SMYD3: variants seen among roughly 807,000 people sequenced by gnomAD.
The protein encoded by SMYD3 is SET and MYND domain containing 3, also known as histone-lysine N-methyltransferase SMYD3.
In SMYD3, 36 loss-of-function variants were observed where a neutral mutation model predicts 57.7. The observed-to-expected ratio is 0.62, with a 90% confidence interval of 0.48 to 0.82. The LOEUF (loss-of-function observed/expected upper bound fraction) is 0.82, where lower values mean the gene tolerates loss of function less well. SMYD3 is among the 40% of genes least tolerant of loss of function. The pLI, the probability that SMYD3 is intolerant of heterozygous loss-of-function variation, is 0.00. For synonymous variants in SMYD3, 211 were observed against 195.0 expected, an observed-to-expected ratio of 1.08 and a Z score of -0.68; for missense variants, 515 against 538.8, an observed-to-expected ratio of 0.96 and a Z score of 0.44.
chr1:245,945,772 T>C (rs527440378), intron 5 of SMYD3, among the ~76,000 whole-genome samples: 96 of 152,298 alleles, frequency 6.3e-4, no homozygotes, highest in South Asian at 1.2e-3. Flanking sequence ...CATGGAATAC[T>C]ACACAGTAAT....
chr1:246,185,468 TTTTTG>T (rs774932266), intron 5 of SMYD3, among the ~76,000 whole-genome samples: 12,784 of 78,062 alleles, frequency 0.16, 1,052 homozygotes, highest in African/African-American at 0.38. Flanking sequence ...TTTTTTTTTT[TTTTTG>T]AGACGGAGTT....
intron 1 of SMYD3, among the ~76,000 whole-genome samples, chr1:246,441,875 G>A (rs1222431060): frequency 6.6e-6 from 1 of 152,214 alleles, no homozygotes; most frequent in Non-Finnish European, 1.5e-5. Flanking sequence ...GGCCCCCAGG[G>A]TGCTGGGACT....
At chr1:245,765,479 C>T (rs1294471045) in intron 10 of SMYD3, among the ~76,000 whole-genome samples, 5 of 152,030 alleles carry the variant, frequency 3.3e-5, no homozygotes, top group Non-Finnish European at 5.9e-5. Flanking sequence ...TGTTACAGGA[C>T]GGAGCATGAT....
At chr1:246,451,345 G>A (rs1391826286) in intron 1 of SMYD3, among the ~76,000 whole-genome samples, 1 of 152,142 alleles carries the variant, frequency 6.6e-6, no homozygotes, top group East Asian at 1.9e-4. Flanking sequence ...AGACACGGAG[G>A]AAACTTAAGT....
At position 245,894,782 on chromosome 1, in the gene SMYD3, A is replaced by G. The variant is rs373430596; in HGVS notation, c.813+20748T>C. 6.6e-5 allele frequency among the ~76,000 whole-genome samples: 10 copies of G among 152,366 alleles called. No homozygotes were observed. In the East Asian group the frequency reaches 1.7e-3, roughly 26 times the overall value. On this transcript the variant is annotated intron_variant, in intron 8 of 11. Transcript: ENST00000490107. ...CATACTCTGTATCACATTAGCTGCC[A>G]TCCCTCAATCTATCCTCTGAGCTGG...
At chr1:246,378,231 C>T (rs1055748976) in intron 1 of SMYD3, among the ~76,000 whole-genome samples, 6 of 152,114 alleles carry the variant, frequency 3.9e-5, no homozygotes, top group East Asian at 1.9e-4. Flanking sequence ...ACTAGTGCCA[C>T]GTGGCCTGGA....
At chr1:246,225,206 CA>C (rs1048853527) in intron 5 of SMYD3, among the ~76,000 whole-genome samples, 6 of 150,908 alleles carry the variant, frequency 4.0e-5, no homozygotes, top group Admixed American at 6.6e-5. Flanking sequence ...AACAGAGCAT[CA>C]ACAGCCGTCA....
chr1:246,330,300 C>T (rs538078199), intron 4 of SMYD3, among the ~76,000 whole-genome samples, 180 bp downstream of exon 4: 7 of 152,254 alleles, frequency 4.6e-5, no homozygotes, highest in Admixed American at 2.6e-4. Context: ...CTTATCAGGA[C>T]GAAGCTACCC....
At chr1:245,854,297 T>C (rs1035306926) in intron 10 of SMYD3, among the ~76,000 whole-genome samples, 3 of 152,198 alleles carry the variant, frequency 2.0e-5, no homozygotes, top group African/African-American at 7.2e-5. Flanking sequence ...TTAAAATAAA[T>C]ATAACTTTCA....
chr1:246,253,542 C>T (rs912245607), intron 5 of SMYD3, among the ~76,000 whole-genome samples: 37 of 152,156 alleles, frequency 2.4e-4, no homozygotes, highest in African/African-American at 8.9e-4. Flanking sequence ...AGGATGATAC[C>T]ACATCTCTGC....
chr1:246,457,404 GC>G (rs371402211), intron 1 of SMYD3, among the ~76,000 whole-genome samples: 9 of 151,596 alleles, frequency 5.9e-5, no homozygotes, highest in African/African-American at 2.2e-4. Flanking sequence ...ATGATGGCAG[GC>G]ACCTGTAATC....
At chr1:245,895,310 G>A (rs537028967) in intron 8 of SMYD3, among the ~76,000 whole-genome samples, 2 of 152,178 alleles carry the variant, frequency 1.3e-5, no homozygotes, top group African/African-American at 2.4e-5. Flanking sequence ...ACACGCACAC[G>A]CACGCACACA....
chr1:246,489,468 T>A (rs1437647758), intron 1 of SMYD3, among the ~76,000 whole-genome samples: 7 of 152,210 alleles, frequency 4.6e-5, no homozygotes, highest in Admixed American at 4.6e-4. Flanking sequence ...ATTTCCCTAT[T>A]TTATGAATGA....
chr1:245,794,778 G>T (rs1558346614), intron 10 of SMYD3, among the ~76,000 whole-genome samples: 1 of 151,878 alleles, frequency 6.6e-6, no homozygotes, highest in African/African-American at 2.4e-5. Flanking sequence ...ATCTTTGTGG[G>T]TTTTTTTATT....
chr1:245,936,310 T>G (rs187095599), intron 5 of SMYD3, among the ~76,000 whole-genome samples: 2 of 152,244 alleles, frequency 1.3e-5, no homozygotes, highest in Admixed American at 6.5e-5. Context: ...TCAAGACATC[T>G]CTAATATTTG....
intron 5 of SMYD3, among the ~76,000 whole-genome samples, chr1:246,249,689 C>G (rs1053014954): frequency 3.3e-5 from 5 of 152,106 alleles, no homozygotes; most frequent in African/African-American, 1.2e-4. Context: ...ATTTCTGTTT[C>G]ACCCTTAAAA....
At chr1:246,221,955 C>T (rs1241490477) in intron 5 of SMYD3, among the ~76,000 whole-genome samples, 1 of 152,152 alleles carries the variant, frequency 6.6e-6, no homozygotes, top group Admixed American at 6.5e-5. Context: ...GACTTATATC[C>T]TGTTATATTG....
At chr1:246,207,593 C>A (rs2063020349) in intron 5 of SMYD3, among the ~76,000 whole-genome samples, 1 of 152,130 alleles carries the variant, frequency 6.6e-6, no homozygotes, top group East Asian at 1.9e-4. Flanking sequence ...ATCAAGGACA[C>A]TTACAAACAG....
chr1:245,925,412 C>T (rs1475412270), intron 7 of SMYD3, among the ~76,000 whole-genome samples: 1 of 152,158 alleles, frequency 6.6e-6, no homozygotes, highest in Non-Finnish European at 1.5e-5. Context: ...AGGAATTACC[C>T]TGCTTAATCA....
Sources: allele counts gnomAD v4.1 joint callset (sites outside exome capture counted in the v4.1 genomes callset), GRCh38; gene constraint gnomAD v4.1.1; transcripts MANE v1.5; gene names NCBI Gene and HGNC (gene_info 2026-07-23, HGNC 2026-07-21).